Variants in CNTNAP4 observed in about 807,000 individuals in gnomAD.
CNTNAP4 encodes contactin associated protein family member 4.
CNTNAP4 carries 98 observed loss-of-function variants against 148.4 expected under a neutral mutation model. The ratio of observed to expected loss-of-function variants is 0.66; its 90% CI spans 0.56 to 0.78. CNTNAP4 has a LOEUF of 0.78. Among genes scored for constraint, CNTNAP4 ranks in the 30% least tolerant of loss-of-function variants. The pLI is 0.00. For synonymous variants in CNTNAP4, 730 were observed against 565.1 expected (o/e 1.29, Z -4.14); for missense variants, 1,935 against 1,565.6 (o/e 1.24, Z -3.98).
chr16:76,389,829 ATTC>A (rs1369421321), intron 3 of CNTNAP4, among the ~76,000 whole-genome samples: 3 of 152,070 alleles, frequency 2.0e-5, no homozygotes, highest in Non-Finnish European at 4.4e-5. Context: ...AGATATTCTA[ATTC>A]TTCTTTCTAA....
chr16:76,478,178 C>G (rs1354511294), intron 11 of CNTNAP4, among the ~76,000 whole-genome samples: 1 of 152,168 alleles, frequency 6.6e-6, no homozygotes, highest in Non-Finnish European at 1.5e-5. Flanking sequence ...ACACATAAAT[C>G]AGAAGTCCTT....
At chr16:76,360,354 C>T (rs1447451679) in intron 3 of CNTNAP4, among the ~76,000 whole-genome samples, 3 of 152,104 alleles carry the variant, frequency 2.0e-5, no homozygotes, top group Non-Finnish European at 4.4e-5. Flanking sequence ...CAAAGATTTC[C>T]ACATGCATTT....
intron 11 of CNTNAP4, among the ~76,000 whole-genome samples, chr16:76,476,784 C>T (rs886081638): frequency 6.6e-6 from 1 of 152,080 alleles, no homozygotes; most frequent in Non-Finnish European, 1.5e-5. Flanking sequence ...CACTAAGGCC[C>T]CACCTCCCAA....
intron 13 of CNTNAP4, among the ~76,000 whole-genome samples, chr16:76,493,934 C>G (rs771512044): frequency 6.6e-6 from 1 of 152,034 alleles, no homozygotes; most frequent in Non-Finnish European, 1.5e-5. Flanking sequence ...AGTAAAAATC[C>G]CAGATTCTCA....
At chr16:76,467,256 C>T (rs2081204763) in intron 9 of CNTNAP4, 96 bp from the exon 10 acceptor site, 20 of 1,047,572 alleles carry the variant, frequency 1.9e-5, no homozygotes, top group Admixed American at 4.6e-5. Flanking sequence ...AGAAAATAAT[C>T]ATATGCCTCT....
chr16:76,307,490 T>C (rs759253302), intron 1 of CNTNAP4, among the ~76,000 whole-genome samples: 2 of 131,866 alleles, frequency 1.5e-5, no homozygotes. Flanking sequence ...CTCCTAGATA[T>C]CTATTTTAAA....
intron 2 of CNTNAP4, among the ~76,000 whole-genome samples, chr16:76,328,856 G>T (rs1963255306): frequency 1.3e-5 from 2 of 152,030 alleles, no homozygotes; most frequent in South Asian, 4.1e-4. Context: ...TTTTGGTCAG[G>T]CTGGTCTCAA....
chr16:76,476,077 CT>C (rs1245448121), intron 11 of CNTNAP4, 32 bp downstream of exon 11: 1 of 1,456,712 alleles, frequency 6.9e-7, no homozygotes, highest in African/African-American at 1.4e-5. Context: ...TTTCTTGCCC[CT>C]GTGATGGTTT....
chr16:76,420,823 T>C (rs2079164752), intron 3 of CNTNAP4, among the ~76,000 whole-genome samples: 1 of 152,048 alleles, frequency 6.6e-6, no homozygotes, highest in South Asian at 2.1e-4. Context: ...TTTAATATTT[T>C]ATTATATTTT....
chr16:76,523,345 C>T (rs1430554337), intron 17 of CNTNAP4, among the ~76,000 whole-genome samples: 1 of 151,090 alleles, frequency 6.6e-6, no homozygotes, highest in East Asian at 2.0e-4. Context: ...ACAGTTTCAC[C>T]AGTTCCTCTG....
chr16:76,352,888 T>G (rs1339205344), intron 2 of CNTNAP4, among the ~76,000 whole-genome samples: 1 of 152,110 alleles, frequency 6.6e-6, no homozygotes, highest in Admixed American at 6.5e-5. Flanking sequence ...TAAATAACAG[T>G]CTGCAAGGGT....
chr16:76,337,589 G>A (rs1964125132), intron 2 of CNTNAP4, among the ~76,000 whole-genome samples: 1 of 152,164 alleles, frequency 6.6e-6, no homozygotes, highest in South Asian at 2.1e-4. Context: ...CACTGGGCAT[G>A]CATTGTATTG....
intron 3 of CNTNAP4, among the ~76,000 whole-genome samples, chr16:76,426,507 G>C (rs1399779204): frequency 2.0e-5 from 3 of 152,166 alleles, no homozygotes. Context: ...GTAAATTATT[G>C]AGAACAACTT....
intron 10 of CNTNAP4, among the ~76,000 whole-genome samples, chr16:76,471,456 C>A (rs372725881): frequency 6.6e-6 from 1 of 152,296 alleles, no homozygotes; most frequent in East Asian, 1.9e-4. Flanking sequence ...AACCTTGTGA[C>A]CTTAGCAAGC....
intron 21 of CNTNAP4, among the ~76,000 whole-genome samples, chr16:76,543,223 G>T (rs1807699467): frequency 6.6e-6 from 1 of 152,156 alleles, no homozygotes; most frequent in African/African-American, 2.4e-5. Flanking sequence ...CTAAGGTATG[G>T]ATCTTGATTA....
At chr16:76,515,860 C>G (rs2083226784) in intron 15 of CNTNAP4, among the ~76,000 whole-genome samples, 1 of 152,078 alleles carries the variant, frequency 6.6e-6, no homozygotes, top group Admixed American at 6.5e-5. Flanking sequence ...TTGGATCACT[C>G]ATACACTGCT....
intron 2 of CNTNAP4, among the ~76,000 whole-genome samples, chr16:76,348,840 T>G (rs778489992): frequency 1.6e-4 from 16 of 101,246 alleles, no homozygotes; most frequent in Non-Finnish European, 2.4e-4. Context: ...TTGAAGACTG[T>G]TAACATTAAA....
At chr16:76,333,002 C>G (rs1204434950) in intron 2 of CNTNAP4, among the ~76,000 whole-genome samples, 1 of 152,152 alleles carries the variant, frequency 6.6e-6, no homozygotes, top group Non-Finnish European at 1.5e-5. Context: ...GGGAATTACT[C>G]CCCTTTCTTA....
At chr16:76,486,504 C>T (rs1440072217) in intron 12 of CNTNAP4, among the ~76,000 whole-genome samples, 1 of 151,104 alleles carries the variant, frequency 6.6e-6, no homozygotes, top group Non-Finnish European at 1.5e-5. Context: ...TGTCTACAGA[C>T]AAGACAAGAA....
Sources: gnomAD v4.1 joint callset for allele counts (sites outside exome capture counted in the v4.1 genomes callset) on GRCh38, gnomAD v4.1.1 for gene constraint, MANE v1.5 for transcripts, NCBI Gene and HGNC (gene_info 2026-07-23, HGNC 2026-07-21) for gene names.